TRIO: variants seen among roughly 807,000 people sequenced by gnomAD.
The protein encoded by TRIO is trio Rho guanine nucleotide exchange factor.
A neutral mutation model predicts 351.9 loss-of-function variants in TRIO; 58 were observed. The ratio of observed to expected loss-of-function variants is 0.16; its 90% CI spans 0.13 to 0.21. The LOEUF is 0.21. TRIO is among the 10% of genes least tolerant of loss of function. The pLI, the probability that TRIO is intolerant of heterozygous loss-of-function variation, is 1.00. For missense variants in TRIO, 3,201 were observed against 4,027.8 expected, an observed-to-expected ratio of 0.79 and a Z score of 5.56; for synonymous variants, 1,758 against 1,595.7, an observed-to-expected ratio of 1.10 and a Z score of -2.42.
rs149135808 is a variant in TRIO at position 14,241,126 on chromosome 5, T to C, written c.158-29699T>C. Among the ~76,000 whole-genome samples the C allele has an allele frequency of 3.4e-3, 517 of 152,362 alleles. 1 individual carries two copies. The highest frequency in any genetic ancestry group is 0.012 in the African/African-American group (489 of 41,582). Reference sequence around the variant, plus strand: ...AAGGCTTTTAAAATCCTACTGACTTTGTTTTTGGTGAAGACTTGCTAAAAC... The same window carrying C: ...AAGGCTTTTAAAATCCTACTGACTTCGTTTTTGGTGAAGACTTGCTAAAAC... On this transcript the variant is annotated intron_variant, in intron 1 of 56. Coordinates refer to ENST00000344204, the MANE Select transcript of TRIO (RefSeq NM_007118.4).
At chr5:14,241,197 T>C (rs1452808999) in intron 1 of TRIO, among the ~76,000 whole-genome samples, 2 of 152,240 alleles carry the variant, frequency 1.3e-5, no homozygotes, top group African/African-American at 4.8e-5. Flanking sequence ...ATACCTTTTT[T>C]CCCATATGAA....
intron 1 of TRIO, among the ~76,000 whole-genome samples, chr5:14,174,631 T>C (rs1353776018): frequency 2.0e-5 from 3 of 152,202 alleles, no homozygotes; most frequent in African/African-American, 7.2e-5. Flanking sequence ...CCCAAGAAGA[T>C]TCTGCCACAG....
At chr5:14,318,984 A>T (rs6884808) in intron 9 of TRIO, among the ~76,000 whole-genome samples, 2,585 of 152,200 alleles carry the variant, frequency 0.017, 33 homozygotes, top group Non-Finnish European at 0.025. Context: ...AGGTTAGAAA[A>T]GGGCACAAGG....
rs1736477327 is a variant in TRIO at position 14,286,759 on chromosome 5, G to A, written c.348-112G>A. ...ACAGTGTGCTCCTTCCCCTGCCTCC[G>A]CACGTGTCCAGCAGGGGAGGGAAGC... is the stretch of plus-strand genomic sequence containing the variant. On this transcript the variant is annotated intron_variant, in intron 3 of 56. Coordinates refer to ENST00000344204, the MANE Select transcript of TRIO (RefSeq NM_007118.4). This position sits in a 1 kb window ranked among gnomAD's most constrained non-coding sequence, Gnocchi z 4.4. 1.1e-5 allele frequency: 12 copies of A among 1,104,704 alleles called. No individual in the cohort carries two copies. Among genetic ancestry groups the A allele is most frequent in the Non-Finnish European group, 1.4e-5 (11 of 776,426 alleles). The allele number at this position is 1,104,704 out of a possible 1,614,324, so 68.4% of individuals were successfully genotyped here.
chr5:14,505,216 A>G (rs1278731540), intron 55 of TRIO, among the ~76,000 whole-genome samples: 21 of 152,242 alleles, frequency 1.4e-4, no homozygotes, highest in Admixed American at 1.4e-3. Flanking sequence ...GTTCTCATCT[A>G]GGGGTGGGTT....
chr5:14,244,595 A>G (rs1794325218), intron 1 of TRIO, among the ~76,000 whole-genome samples: 1 of 152,200 alleles, frequency 6.6e-6, no homozygotes, highest in Non-Finnish European at 1.5e-5. Context: ...TTGTCCTATA[A>G]TGTTGCTGAA....
intron 45 of TRIO, 177 bp from the exon 46 acceptor site, chr5:14,482,405 A>G: frequency 2.3e-6 from 1 of 440,836 alleles, no homozygotes; most frequent in Non-Finnish European, 3.8e-6. Context: ...TTTTATTTAG[A>G]TAATTATTCT....
chr5:14,194,281 G>A (rs1422112831), intron 1 of TRIO, among the ~76,000 whole-genome samples: 1 of 152,198 alleles, frequency 6.6e-6, no homozygotes. Flanking sequence ...GCAGGTGGGA[G>A]TAGATTGTTT....
intron 1 of TRIO, among the ~76,000 whole-genome samples, chr5:14,240,987 T>G (rs1364825878): frequency 6.6e-6 from 1 of 152,238 alleles, no homozygotes; most frequent in Non-Finnish European, 1.5e-5. Context: ...GTCCCTAGAA[T>G]GAGTCATTAA....
At chr5:14,360,150 T>A (rs1304993518) in intron 13 of TRIO, among the ~76,000 whole-genome samples, 1 of 152,132 alleles carries the variant, frequency 6.6e-6, no homozygotes, top group Non-Finnish European at 1.5e-5. Context: ...AAAAACACAA[T>A]TTCCCCCCAC....
At chr5:14,448,700 G>A (rs1042509312) in intron 34 of TRIO, among the ~76,000 whole-genome samples, 1 of 152,202 alleles carries the variant, frequency 6.6e-6, no homozygotes, top group African/African-American at 2.4e-5. Context: ...GGGCATGGAT[G>A]TCTTCAGCTG....
At chr5:14,325,835 G>C (rs247143) in intron 9 of TRIO, among the ~76,000 whole-genome samples, 132,504 of 152,218 alleles carry the variant, frequency 0.87, 58,123 homozygotes, top group African/African-American at 0.95. Flanking sequence ...CAGCGGGACT[G>C]AGGAAGCATT....
At chr5:14,448,621 G>T (rs1244543813) in intron 34 of TRIO, among the ~76,000 whole-genome samples, 1 of 152,214 alleles carries the variant, frequency 6.6e-6, no homozygotes, top group Non-Finnish European at 1.5e-5. Context: ...CCTTTCCAAG[G>T]TCCACTACCC....
At chr5:14,193,319 A>T (rs1317716114) in intron 1 of TRIO, among the ~76,000 whole-genome samples, 1 of 152,240 alleles carries the variant, frequency 6.6e-6, no homozygotes, top group Non-Finnish European at 1.5e-5. Context: ...GTGGGCACAC[A>T]TATACAGATA....
chr5:14,414,051 A>G (rs1440397586), intron 33 of TRIO, among the ~76,000 whole-genome samples: 1 of 152,244 alleles, frequency 6.6e-6, no homozygotes, highest in African/African-American at 2.4e-5. Context: ...CACTCAGGAA[A>G]TACAGCCAAC....
chr5:14,275,941 T>TATATATATAC (rs1186624778), intron 2 of TRIO, among the ~76,000 whole-genome samples: 113 of 148,032 alleles, frequency 7.6e-4, no homozygotes, highest in East Asian at 4.9e-3. Flanking sequence ...TATGTGTGTC[T>TATATATATAC]ATATATATAC....
intron 1 of TRIO, among the ~76,000 whole-genome samples, chr5:14,193,201 G>A (rs777315021): frequency 2.3e-4 from 35 of 152,118 alleles, no homozygotes; most frequent in Non-Finnish European, 4.6e-4. Context: ...TAATACTGAA[G>A]CAATATATCG....
chr5:14,363,969 A>C (rs1334627902), intron 14 of TRIO, 42 bp downstream of exon 14: 1 of 1,571,822 alleles, frequency 6.4e-7, no homozygotes, highest in Non-Finnish European at 8.6e-7. Context: ...TGATTTCTTC[A>C]TGTCGTCATG....
chr5:14,280,278 GTCTTA>G, intron 2 of TRIO, 39 bp from the exon 3 acceptor site: 1 of 1,553,976 alleles, frequency 6.4e-7, no homozygotes, highest in Non-Finnish European at 8.9e-7. Context: ...TAGGATTTCT[GTCTTA>G]TCTTGTGTCT....
Sources: gnomAD v4.1 joint callset for allele counts (sites outside exome capture counted in the v4.1 genomes callset) on GRCh38, gnomAD v4.1.1 for gene constraint, Gnocchi (gnomAD v3.1) non-coding constraint, MANE v1.5 for transcripts, NCBI Gene and HGNC (gene_info 2026-07-23, HGNC 2026-07-21) for gene names.